GSAP: variants seen among roughly 807,000 people sequenced by gnomAD.
GSAP encodes gamma-secretase activating protein.
A neutral mutation model predicts 131.7 loss-of-function variants in GSAP; 118 were observed. The observed-to-expected ratio is 0.90, with a 90% confidence interval of 0.77 to 1.04. The LOEUF is 1.04. Ranked by LOEUF, GSAP falls within the 50% of genes least tolerant of loss-of-function variation. GSAP has a pLI of 0.00. For synonymous variants in GSAP, 381 were observed against 363.4 expected (o/e 1.05, Z -0.55); for missense variants, 1,019 against 1,013.2 (o/e 1.01, Z -0.08).
Position 77,377,611 on chromosome 7 carries a change from G to T in GSAP, c.577-221C>A, listed in dbSNP as rs1162877385. Among the ~76,000 whole-genome samples the T allele has an allele frequency of 2.0e-5, 3 of 152,080 alleles. No homozygotes were observed. In the East Asian group the frequency reaches 5.8e-4, roughly 29 times the overall value. On this transcript the variant is annotated intron_variant, in intron 8 of 30. Coordinates refer to ENST00000257626, the MANE Select transcript of GSAP (RefSeq NM_017439.4). ...CCTCTTCTTCCCACGTATAATATAT[G>T]ATTTTATTCCTGCTCTTAGTTTAGC...
chr7:77,345,804 T>C (rs1791715666), intron 19 of GSAP, among the ~76,000 whole-genome samples: 1 of 152,176 alleles, frequency 6.6e-6, no homozygotes, highest in African/African-American at 2.4e-5. Context: ...TCAGCCCGCC[T>C]GCACCCAGGT....
chr7:77,376,473 C>T (rs979030987), intron 10 of GSAP, among the ~76,000 whole-genome samples: 3 of 152,154 alleles, frequency 2.0e-5, no homozygotes, highest in African/African-American at 7.2e-5. Flanking sequence ...TAACAATTCT[C>T]TTAAAAGAGA....
chr7:77,352,853 G>A (rs912157755), intron 18 of GSAP, 91 bp downstream of exon 18: 4 of 700,496 alleles, frequency 5.7e-6, no homozygotes, highest in East Asian at 5.3e-5. Context: ...GTGAAATCAC[G>A]ACCTTGATGG....
intron 1 of GSAP, among the ~76,000 whole-genome samples, chr7:77,412,371 G>C (rs1780987727): frequency 6.6e-6 from 1 of 151,960 alleles, no homozygotes; most frequent in South Asian, 2.1e-4. Context: ...ATAAATTCTA[G>C]GTGGATTAAA....
chr7:77,388,015 T>C (rs369081496), intron 5 of GSAP, among the ~76,000 whole-genome samples: 40 of 152,366 alleles, frequency 2.6e-4, no homozygotes, highest in African/African-American at 7.2e-4. Context: ...AAAGCAGACA[T>C]GTCTGAACTT....
chr7:77,330,578 T>G (rs3750047), intron 19 of GSAP: 116,076 of 1,063,456 alleles, frequency 0.11, 4,409 homozygotes, highest in East Asian at 0.35. Flanking sequence ...TGTCTCTTTT[T>G]TTTTTTTTTT....
intron 3 of GSAP, 125 bp downstream of exon 3, chr7:77,404,433 GT>G: frequency 1.5e-6 from 1 of 679,540 alleles, no homozygotes; most frequent in Non-Finnish European, 2.6e-6. Flanking sequence ...TTGCAATTCT[GT>G]TTTTTCAAAT....
rs184824859 is a variant in GSAP at position 77,387,218 on chromosome 7, C to T, written c.456+142G>A. On this transcript the variant is annotated intron_variant, in intron 6 of 30. Transcript: ENST00000257626. The stretch of plus-strand genomic sequence containing the variant: ...AATTTCCATGCTTGCAAACAAAGAG[C>T]GGATACTTCCAGCCATAGTAGTCTA... 4.1e-4 allele frequency: 189 copies of T among 457,690 alleles called. 1 individual carries two copies. The highest frequency in any genetic ancestry group is 3.3e-3 in the African/African-American group (166 of 49,824). The allele number at this position is 457,690 out of a possible 1,614,324, so 28.4% of individuals were successfully genotyped here.
intron 19 of GSAP, among the ~76,000 whole-genome samples, chr7:77,331,109 C>G (rs965042865): frequency 6.6e-6 from 1 of 151,834 alleles, no homozygotes; most frequent in Non-Finnish European, 1.5e-5. Context: ...GTCAGGAGAT[C>G]GAGACCACGG....
chr7:77,339,276 G>A (rs528331617), intron 19 of GSAP, among the ~76,000 whole-genome samples: 19 of 152,210 alleles, frequency 1.2e-4, no homozygotes, highest in African/African-American at 3.4e-4. Context: ...GTGGTATTAC[G>A]CGAGCAGAGA....
intron 12 of GSAP, among the ~76,000 whole-genome samples, chr7:77,363,495 G>A (rs1168177687): frequency 1.3e-5 from 2 of 152,194 alleles, no homozygotes; most frequent in Non-Finnish European, 2.9e-5. Context: ...TAGCCCCAGA[G>A]CTAACGTTAA....
At chr7:77,397,640 C>G (rs1359235089) in intron 3 of GSAP, among the ~76,000 whole-genome samples, 1 of 152,132 alleles carries the variant, frequency 6.6e-6, no homozygotes, top group Non-Finnish European at 1.5e-5. Flanking sequence ...ATGAGACAAC[C>G]AAGTATAGTG....
At chr7:77,351,257 G>A (rs1792828976) in intron 18 of GSAP, 1 of 963,688 alleles carries the variant, frequency 1.0e-6, no homozygotes, top group Non-Finnish European at 1.2e-6. Context: ...TACAGTTTTG[G>A]TTATAAATAG....
intron 19 of GSAP, among the ~76,000 whole-genome samples, chr7:77,332,726 A>G (rs966485590): frequency 3.3e-5 from 5 of 152,168 alleles, no homozygotes; most frequent in Non-Finnish European, 7.3e-5. Flanking sequence ...TCCCAAAAAT[A>G]TTTTCACACG....
In GSAP at chr7:77,353,563, A is replaced by C; in HGVS notation, c.1408+9T>G. On this transcript the variant is annotated intron_variant, in intron 17 of 30. Transcript: ENST00000257626. ...ATTCAACTTAAGCTGCAACATCAGCAACACTTACCAATTATAAATTCCTGA... is the reference window on the plus strand; with the variant it reads ...ATTCAACTTAAGCTGCAACATCAGCCACACTTACCAATTATAAATTCCTGA... 2 of 1,592,894 alleles carry C rather than the reference A, an allele frequency of 1.3e-6. No individual in the cohort carries two copies. Among genetic ancestry groups the C allele is most frequent in the Non-Finnish European group, 1.7e-6 (2 of 1,161,844 alleles).
At chr7:77,408,536 T>TA (rs1473955911) in intron 1 of GSAP, among the ~76,000 whole-genome samples, 10 of 151,360 alleles carry the variant, frequency 6.6e-5, no homozygotes, top group Admixed American at 1.3e-4. Flanking sequence ...CAATCTCTAC[T>TA]AAAAAATACA....
chr7:77,372,950 G>A (rs1008670912), intron 12 of GSAP, among the ~76,000 whole-genome samples: 1 of 152,148 alleles, frequency 6.6e-6, no homozygotes, highest in Non-Finnish European at 1.5e-5. Context: ...TAGGACTGGT[G>A]TATGAAGGGA....
At chr7:77,374,836 A>G (rs938239369) in intron 11 of GSAP, among the ~76,000 whole-genome samples, 1 of 152,192 alleles carries the variant, frequency 6.6e-6, no homozygotes, top group Non-Finnish European at 1.5e-5. Context: ...GCACTACAGA[A>G]ATAAATGGCT....
Position 77,311,345 on chromosome 7 carries a change from T to G in GSAP, c.*13A>C. 2 of 1,509,338 alleles carry G rather than the reference T, an allele frequency of 1.3e-6. No homozygotes were observed. The highest frequency in any genetic ancestry group is 1.8e-6 in the Non-Finnish European group (2 of 1,084,946). The allele number at this position is 1,509,338 out of a possible 1,614,324, so 93.5% of individuals were successfully genotyped here. On this transcript the variant is annotated 3_prime_UTR_variant, in exon 31 of 31. Coordinates refer to ENST00000257626, the MANE Select transcript of GSAP (RefSeq NM_017439.4). ...TTAAAATGGCAGCAGCAGATCCAAT[T>G]GCGTTTTCTTTTTCATAAGCCTAAA...
Sources: gnomAD v4.1 joint callset for allele counts (sites outside exome capture counted in the v4.1 genomes callset) on GRCh38, gnomAD v4.1.1 for gene constraint, MANE v1.5 for transcripts, NCBI Gene and HGNC (gene_info 2026-07-23, HGNC 2026-07-21) for gene names.